Variants in NUDCD1 observed in about 807,000 individuals in gnomAD.
NUDCD1 encodes nudC domain-containing protein 1.
Under a neutral mutation model 67.8 loss-of-function variants are expected in NUDCD1, and 60 were observed. That is an observed-to-expected ratio of 0.88 (90% CI 0.72 to 1.10). The LOEUF (loss-of-function observed/expected upper bound fraction) is 1.10. Ranked by LOEUF, NUDCD1 falls within the 50% of genes least tolerant of loss-of-function variation. NUDCD1 has a pLI of 0.00. For missense variants in NUDCD1, 643 were observed against 695.0 expected (o/e 0.93, Z 0.84); for synonymous variants, 244 against 230.8 (o/e 1.06, Z -0.52).
intron 8 of NUDCD1, among the ~76,000 whole-genome samples, chr8:109,249,766 T>A (rs1159532674): frequency 6.6e-6 from 1 of 152,052 alleles, no homozygotes; most frequent in Non-Finnish European, 1.5e-5. Context: ...GTCAATTTTT[T>A]GATGGCAGTA....
intron 8 of NUDCD1, among the ~76,000 whole-genome samples, chr8:109,248,989 A>G (rs1024307581): frequency 2.0e-5 from 3 of 152,136 alleles, no homozygotes; most frequent in Non-Finnish European, 4.4e-5. Flanking sequence ...TAATTCTAAT[A>G]AAAAGAAATT....
chr8:109,280,051 C>T (rs371256398), intron 6 of NUDCD1, among the ~76,000 whole-genome samples: 3 of 152,268 alleles, frequency 2.0e-5, no homozygotes, highest in Admixed American at 6.5e-5. Flanking sequence ...AATTATTCCA[C>T]TTTTAGAAAT....
intron 2 of NUDCD1, chr8:109,313,736 A>C: frequency 2.1e-6 from 1 of 483,952 alleles, no homozygotes; most frequent in South Asian, 1.6e-5. Flanking sequence ...AAACTTGTTA[A>C]ATTACTATTC....
At chr8:109,247,650 T>A (rs1423513059) in intron 8 of NUDCD1, among the ~76,000 whole-genome samples, 2 of 152,180 alleles carry the variant, frequency 1.3e-5, no homozygotes, top group Non-Finnish European at 2.9e-5. Flanking sequence ...TTGCCATACC[T>A]TTGACATAGC....
chr8:109,324,831 A>C (rs1815633334), intron 1 of NUDCD1, among the ~76,000 whole-genome samples: 1 of 152,236 alleles, frequency 6.6e-6, no homozygotes, highest in African/African-American at 2.4e-5. Flanking sequence ...TCAGGCCTGT[A>C]ATCCCAGCAC....
intron 1 of NUDCD1, among the ~76,000 whole-genome samples, chr8:109,328,569 T>A (rs537108144): frequency 6.6e-6 from 1 of 152,282 alleles, no homozygotes; most frequent in South Asian, 2.1e-4. Flanking sequence ...GGCACTCACA[T>A]AAGGCTAGGA....
In NUDCD1 at chr8:109,243,253, G is replaced by C; in HGVS notation, c.1508C>G (p.Pro503Arg). Residue 503 changes from proline (P) to arginine (R), a missense_variant, in exon 10 of 10, where the codon CCA becomes CGA. Pro to Arg is a moderately radical substitution (Grantham distance 103). Coordinates refer to ENST00000239690, the MANE Select transcript of NUDCD1 (RefSeq NM_032869.4). ...ACAAAGGGCTGCATACGAGTAATTT[G>C]GAGCACAGGCAAAAAATTTTTTGTC... Reference protein sequence around the residue: ...KRDKKFFACAPNYSYAALCEC... With the variant: ...KRDKKFFACARNYSYAALCEC... 6.2e-7 allele frequency: 1 copy of C among 1,605,274 alleles called. No individual in the cohort carries two copies. Among genetic ancestry groups the C allele is most frequent in the Non-Finnish European group, 8.5e-7 (1 of 1,173,734 alleles).
At chr8:109,259,295 G>A (rs1449211515) in intron 8 of NUDCD1, among the ~76,000 whole-genome samples, 1 of 152,210 alleles carries the variant, frequency 6.6e-6, no homozygotes, top group African/African-American at 2.4e-5. Context: ...CAGGGAACTG[G>A]TCCAAATGCT....
intron 8 of NUDCD1, among the ~76,000 whole-genome samples, chr8:109,265,875 G>A (rs1404319939): frequency 1.3e-5 from 2 of 152,098 alleles, no homozygotes; most frequent in African/African-American, 2.4e-5. Flanking sequence ...CCTGCTGTGC[G>A]ACCAGGTTCT....
chr8:109,277,143 T>C (rs1814308726), intron 6 of NUDCD1, among the ~76,000 whole-genome samples: 1 of 152,132 alleles, frequency 6.6e-6, no homozygotes. Flanking sequence ...ATTATTATCA[T>C]CACCATTTTA....
chr8:109,263,054 CAAAAAA>C (rs59659347), intron 8 of NUDCD1, among the ~76,000 whole-genome samples: 445 of 42,004 alleles, frequency 0.011, 3 homozygotes, highest in African/African-American at 0.039. Context: ...GACTCTGTCT[CAAAAAA>C]AAAAAAAAAA....
chr8:109,266,611 C>T lies in NUDCD1; in HGVS notation c.1299+4394G>A, dbSNP rs566989293. Among the ~76,000 whole-genome samples the T allele has an allele frequency of 7.9e-5, 12 of 152,068 alleles. No individual in the cohort carries two copies. In the South Asian group the frequency reaches 1.5e-3, roughly 18 times the overall value. On this transcript the variant is annotated intron_variant, in intron 8 of 9. Transcript: ENST00000239690. ...TCTGGTTGTGTATTTTATATTTATA[C>T]CACATTTCAATGCAGACTAGCCACA...
At chr8:109,280,630 TC>T (rs1428693392) in intron 6 of NUDCD1, among the ~76,000 whole-genome samples, 1 of 152,180 alleles carries the variant, frequency 6.6e-6, no homozygotes, top group African/African-American at 2.4e-5. Flanking sequence ...AAATATATTA[TC>T]AAGCCAGCAA....
At chr8:109,266,250 G>T (rs1181386472) in intron 8 of NUDCD1, among the ~76,000 whole-genome samples, 1 of 151,400 alleles carries the variant, frequency 6.6e-6, no homozygotes, top group Non-Finnish European at 1.5e-5. Flanking sequence ...TTTTGAGACG[G>T]AGTCTCGCTG....
chr8:109,331,195 C>T (rs1284443229), intron 1 of NUDCD1, among the ~76,000 whole-genome samples: 2 of 152,084 alleles, frequency 1.3e-5, no homozygotes, highest in East Asian at 1.9e-4. Flanking sequence ...ATTAGCTGGG[C>T]TTGGTGGCGG....
At chr8:109,245,238 A>T in intron 9 of NUDCD1, 84 bp downstream of exon 9, 2 of 1,356,732 alleles carry the variant, frequency 1.5e-6, no homozygotes, top group Non-Finnish European at 2.0e-6. Context: ...GCTCAAATTA[A>T]AAAGAAAAAA....
At chr8:109,307,397 T>C (rs2130082293) in intron 2 of NUDCD1, among the ~76,000 whole-genome samples, 1 of 152,354 alleles carries the variant, frequency 6.6e-6, no homozygotes, top group East Asian at 1.9e-4. Context: ...CCAGGTGAAA[T>C]AAACAGCCTT....
In NUDCD1 at chr8:109,243,300, G is replaced by T. The variant is rs1286726629; in HGVS notation, c.1461C>A (p.Gly487=). The change falls in exon 10 of 10, where the codon GGC becomes GGA. Residue 487 remains glycine (G), a splice_region_variant and synonymous_variant. Transcript: ENST00000239690. ...WEHIATFNAL[G]YVQASKRDKK... is the part of the protein sequence containing the mutation. ...TGTCTCTCTTTGATGCTTGGACATA[G>T]CCTGCCAAGAATATGAGACAAACAA... 1 of 1,572,272 alleles carries T rather than the reference G, an allele frequency of 6.4e-7. No individual in the cohort carries two copies. The highest frequency in any genetic ancestry group is 8.7e-7 in the Non-Finnish European group (1 of 1,153,976).
chr8:109,332,778 G>A (rs932306739), intron 1 of NUDCD1, among the ~76,000 whole-genome samples: 1 of 151,952 alleles, frequency 6.6e-6, no homozygotes, highest in Non-Finnish European at 1.5e-5. Flanking sequence ...TGGCAAAGAG[G>A]AAAAGGAAAA....
Sources: allele counts gnomAD v4.1 joint callset (sites outside exome capture counted in the v4.1 genomes callset), GRCh38; gene constraint gnomAD v4.1.1; transcripts MANE v1.5; gene names NCBI Gene and HGNC (gene_info 2026-07-23, HGNC 2026-07-21).